Variants in LIG1 observed in about 807,000 individuals in gnomAD.
The protein encoded by LIG1 is DNA ligase 1, also known as ligase I, DNA, ATP-dependent.
LIG1 carries 70 observed loss-of-function variants against 115.7 expected under a neutral mutation model. The ratio of observed to expected loss-of-function variants is 0.60; its 90% CI spans 0.50 to 0.74. The LOEUF (loss-of-function observed/expected upper bound fraction) is 0.74, where lower values mean the gene tolerates loss of function less well. LIG1 is among the 30% of genes least tolerant of loss of function. The pLI, the probability that LIG1 is intolerant of heterozygous loss-of-function variation, is 0.00. For missense variants in LIG1, 1,115 were observed against 1,225.6 expected (o/e 0.91, Z 1.35); for synonymous variants, 487 against 495.3 (o/e 0.98, Z 0.22).
chr19:48,142,457 A>AAAAAAAAAAAAAAAAAAAC (rs71181650), intron 11 of LIG1, among the ~76,000 whole-genome samples: 22 of 148,040 alleles, frequency 1.5e-4, no homozygotes, highest in Non-Finnish European at 2.7e-4. Flanking sequence ...AAAAAAAAAA[A>AAAAAAAAAAAAAAAAAAAC]CAGAGTGCTG....
chr19:48,116,392 G>A (rs1002726839), intron 26 of LIG1, among the ~76,000 whole-genome samples: 1 of 146,348 alleles, frequency 6.8e-6, no homozygotes, highest in African/African-American at 2.6e-5. Flanking sequence ...AGCTTGCAGT[G>A]AGCTGAGATT....
At position 48,135,854 on chromosome 19, in the gene LIG1, C is replaced by T. The variant is rs1199117484; in HGVS notation, c.1424-75G>A. 6 of 1,388,258 alleles carry T rather than the reference C, an allele frequency of 4.3e-6. 1 individual carries two copies. Among genetic ancestry groups the T allele is most frequent in the African/African-American group, 2.8e-5 (2 of 70,498 alleles). The allele number at this position is 1,388,258 out of a possible 1,614,324, so 86.0% of individuals were successfully genotyped here. ...ACACCAGGGTGCAGTGGGTGGTTTG[C>T]TGTATGGCAAGGAATGCAGATGCCG... On this transcript the variant is annotated intron_variant, in intron 15 of 27. Transcript: ENST00000263274.
chr19:48,151,522 T>C lies in LIG1; in HGVS notation c.467-183A>G, dbSNP rs3730902. 6.7e-3 allele frequency: 3,487 copies of C among 521,594 alleles called. 114 individuals carry two copies. Among genetic ancestry groups the C allele is most frequent in the African/African-American group, 0.058 (3,003 of 51,854 alleles). 32.3% of individuals were successfully genotyped at this position (521,594 alleles called of 1,614,324 possible). On this transcript the variant is annotated intron_variant, in intron 6 of 27. Transcript: ENST00000263274. The stretch of plus-strand genomic sequence containing the variant: ...TTGGCTCACTGCAACCTCTGCCTCC[T>C]GGGTTCATGCGATTCTCCTGCCTCA...
Position 48,137,865 on chromosome 19 carries a change from G to A in LIG1, c.1088-177C>T. 1.4e-6 allele frequency: 1 copy of A among 731,798 alleles called. No homozygotes were observed. Among genetic ancestry groups the A allele is most frequent in the Non-Finnish European group, 2.3e-6 (1 of 437,290 alleles). 45.3% of individuals were successfully genotyped at this position (731,798 alleles called of 1,614,324 possible). On this transcript the variant is annotated intron_variant, in intron 12 of 27. Coordinates refer to ENST00000263274, the MANE Select transcript of LIG1 (RefSeq NM_000234.3). This position sits in a 1 kb window ranked among gnomAD's most constrained non-coding sequence, Gnocchi z 4.3. ...AAATGGCTTGGGGAACGTGCCCCCA[G>A]CCACGCTGGCTGTAGGAAGTCAGCA...
At chr19:48,133,237 G>C (rs546333966) in intron 17 of LIG1, 140 bp from the exon 18 acceptor site, 2 of 673,434 alleles carry the variant, frequency 3.0e-6, no homozygotes, top group African/African-American at 1.8e-5. Flanking sequence ...CGTTTTAGAA[G>C]GGGACCTAGC....
At chr19:48,145,441 C>T (rs2035053879) in intron 9 of LIG1, among the ~76,000 whole-genome samples, 1 of 152,170 alleles carries the variant, frequency 6.6e-6, no homozygotes, top group African/African-American at 2.4e-5. Context: ...CTTCATGGAA[C>T]AATGAGGACT....
chr19:48,134,191 TG>T, intron 16 of LIG1, 125 bp from the exon 17 acceptor site: 1 of 779,470 alleles, frequency 1.3e-6, no homozygotes, highest in Admixed American at 2.2e-5. Context: ...AGTCACCACC[TG>T]CCAAGCTCCT....
chr19:48,115,992 C>A (rs142452745), intron 26 of LIG1, 27 bp from the exon 27 acceptor site: 2 of 1,569,042 alleles, frequency 1.3e-6, no homozygotes, highest in Admixed American at 1.7e-5. Context: ...GAGACTCCTG[C>A]GGTCCAGCCC....
Position 48,153,932 on chromosome 19 carries a change from C to A in LIG1, c.406G>T (p.Val136Phe). The A allele has an allele frequency of 6.2e-7, 1 of 1,613,734 alleles. No homozygotes were observed. Among genetic ancestry groups the A allele is most frequent in the Non-Finnish European group, 8.5e-7 (1 of 1,179,870 alleles). Reference protein sequence around the residue: ...KQLPKRTIQEVLEEQSEDEDR... With the variant: ...KQLPKRTIQEFLEEQSEDEDR... Reference sequence around the variant, plus strand: ...TCGTCCTCACTCTGCTCTTCCAGGACTTCCTGAATGGTCCGTTTCGGGAGC... The same window carrying A: ...TCGTCCTCACTCTGCTCTTCCAGGAATTCCTGAATGGTCCGTTTCGGGAGC... Residue 136 changes from valine (V) to phenylalanine (F), a missense_variant, in exon 6 of 28, where the codon GTC becomes TTC. Physicochemically the swap from Val to Phe is conservative, Grantham distance 50. Coordinates refer to ENST00000263274, the MANE Select transcript of LIG1 (RefSeq NM_000234.3).
intron 12 of LIG1, 95 bp downstream of exon 12, chr19:48,139,875 AG>A: frequency 7.1e-7 from 1 of 1,406,080 alleles, no homozygotes; most frequent in Non-Finnish European, 1.0e-6. Context: ...CCTGTTTCAC[AG>A]CCTCTCTCCA....
Position 48,162,112 on chromosome 19 carries a change from G to A in LIG1, c.107+150C>T, listed in dbSNP as rs2036214997. On this transcript the variant is annotated intron_variant, in intron 3 of 27. Transcript: ENST00000263274. ...CGAGGCCCTGGATCCAGCTGTGCCT[G>A]CAGCTGCTCTTGCTCTTGGACTTCT... The A allele has an allele frequency of 9.6e-6, 7 of 726,326 alleles. No homozygotes were observed. In the South Asian group the frequency reaches 1.1e-4, roughly 11 times the overall value. The allele number at this position is 726,326 out of a possible 1,614,324, so 45.0% of individuals were successfully genotyped here.
intron 6 of LIG1, 88 bp from the exon 7 acceptor site, chr19:48,151,427 T>C (rs1364432318): frequency 4.8e-6 from 4 of 836,440 alleles, no homozygotes; most frequent in Non-Finnish European, 8.4e-6. Flanking sequence ...TGCCCTCATC[T>C]GTCATCTGTT....
chr19:48,160,923 G>C (rs553739825), intron 4 of LIG1, among the ~76,000 whole-genome samples: 79 of 152,146 alleles, frequency 5.2e-4, no homozygotes, highest in Admixed American at 9.8e-4. Context: ...TTTTTGTAGA[G>C]ATGGGGTCTC....
intron 10 of LIG1, 47 bp downstream of exon 10, chr19:48,143,836 G>A (rs1417599761): frequency 6.7e-7 from 1 of 1,484,188 alleles, no homozygotes; most frequent in South Asian, 1.1e-5. Context: ...AGCCTCCGGT[G>A]GCAACAGGGA....
At chr19:48,146,557 G>A (rs186390361) in intron 9 of LIG1, among the ~76,000 whole-genome samples, 28 of 152,366 alleles carry the variant, frequency 1.8e-4, no homozygotes, top group African/African-American at 6.5e-4. Context: ...GCGCATGCCT[G>A]TAATCCCAGC....
chr19:48,150,562 G>A (rs2035407186), intron 7 of LIG1, among the ~76,000 whole-genome samples: 1 of 152,050 alleles, frequency 6.6e-6, no homozygotes, highest in Non-Finnish European at 1.5e-5. Flanking sequence ...CTAACACAGG[G>A]GCCTCATGGA....
At chr19:48,129,881 A>G (rs2033904958) in intron 19 of LIG1, among the ~76,000 whole-genome samples, 1 of 152,052 alleles carries the variant, frequency 6.6e-6, no homozygotes, top group South Asian at 2.1e-4. Context: ...TCAGCCTCCC[A>G]AGTAGCTGGG....
rs1313662905 is a variant in LIG1 at position 48,132,991 on chromosome 19, C to T, written c.1716G>A (p.Gln572=). 6.2e-7 allele frequency: 1 copy of T among 1,611,794 alleles called. No homozygotes were observed. Residue 572 remains glutamine, a synonymous_variant, in exon 18 of 28, where the codon CAG becomes CAA. Coordinates refer to ENST00000263274, the MANE Select transcript of LIG1 (RefSeq NM_000234.3). ...GTCCCACTCCCCATACCTGTGCCCT[C>T]TGCCCGTCATATTTGTATTCGCAGG... The part of the protein sequence containing the change: ...AFTCEYKYDG[Q]RAQIHALEGG...
intron 1 of LIG1, among the ~76,000 whole-genome samples, chr19:48,168,827 T>A (rs908965202): frequency 1.3e-5 from 2 of 152,230 alleles, no homozygotes; most frequent in African/African-American, 4.8e-5. Context: ...CACTGACTTG[T>A]ACACTTTAAA....
Sources: gnomAD v4.1 joint callset for allele counts (sites outside exome capture counted in the v4.1 genomes callset) on GRCh38, gnomAD v4.1.1 for gene constraint, Gnocchi (gnomAD v3.1) non-coding constraint, MANE v1.5 for transcripts, NCBI Gene and HGNC (gene_info 2026-07-23, HGNC 2026-07-21) for gene names.